The following ZNF280D variants were observed in gnomAD, a reference collection of about 807,000 sequenced individuals.
The protein encoded by ZNF280D is suppressor of hairy wing homolog 4.
ZNF280D carries 39 observed loss-of-function variants against 94.7 expected under a neutral mutation model. The observed-to-expected ratio is 0.41, with a 90% confidence interval of 0.32 to 0.54. The LOEUF is 0.54. Among genes scored for constraint, ZNF280D ranks in the 20% least tolerant of loss-of-function variants. The probability of loss-of-function intolerance (pLI) is 0.22; values close to 1 mark genes in which losing one functional copy is unlikely to be tolerated. For missense variants in ZNF280D, 1,090 were observed against 1,149.3 expected (o/e 0.95, Z 0.75); for synonymous variants, 398 against 377.6 (o/e 1.05, Z -0.63).
chr15:56,725,742 C>G (rs959014557), intron 1 of ZNF280D, among the ~76,000 whole-genome samples: 4 of 151,160 alleles, frequency 2.6e-5, no homozygotes, highest in African/African-American at 9.7e-5. Context: ...GCTAGCTGGT[C>G]AAAAATTTGT....
At chr15:56,722,392 C>T (rs2058414022) in intron 1 of ZNF280D, among the ~76,000 whole-genome samples, 1 of 152,148 alleles carries the variant, frequency 6.6e-6, no homozygotes, top group Admixed American at 6.5e-5. Context: ...ATCTGCAAAC[C>T]ACAACAAGTG....
chr15:56,671,091 T>G (rs1480266247), intron 13 of ZNF280D, among the ~76,000 whole-genome samples: 11 of 152,140 alleles, frequency 7.2e-5, no homozygotes. Context: ...GTCAGATGCA[T>G]AGTTTGCAAA....
At chr15:56,641,198 A>C (rs886100336) in intron 20 of ZNF280D, among the ~76,000 whole-genome samples, 1 of 151,942 alleles carries the variant, frequency 6.6e-6, no homozygotes, top group Non-Finnish European at 1.5e-5. Context: ...CTCTTGCTCA[A>C]GTTTTATGTT....
At chr15:56,685,433 G>A (rs994564108) in intron 9 of ZNF280D, among the ~76,000 whole-genome samples, 1 of 152,104 alleles carries the variant, frequency 6.6e-6, no homozygotes, top group African/African-American at 2.4e-5. Flanking sequence ...TAAAAATTGG[G>A]AGAGGATAAA....
At chr15:56,648,999 A>T (rs1359383545) in intron 19 of ZNF280D, among the ~76,000 whole-genome samples, 3 of 152,186 alleles carry the variant, frequency 2.0e-5, no homozygotes, top group Non-Finnish European at 2.9e-5. Flanking sequence ...AAGCTATTAT[A>T]ACAAAGAGCA....
chr15:56,643,107 AT>A (rs2052711461), intron 19 of ZNF280D, 110 bp from the exon 20 acceptor site: 1 of 655,388 alleles, frequency 1.5e-6, no homozygotes. Context: ...ATCGAAACTA[AT>A]GTACATTTTA....
Position 56,654,234 on chromosome 15 carries a change from A to G in ZNF280D, c.2177T>C (p.Val726Ala). 1 of 1,610,818 alleles carries G rather than the reference A, an allele frequency of 6.2e-7. No individual in the cohort carries two copies. Among genetic ancestry groups the G allele is most frequent in the Non-Finnish European group, 8.5e-7 (1 of 1,179,180 alleles). ...CTCAGAAGTTGGGATACAAACAGAA[A>G]CTGAAATTAGAAGAAAAGTTTTACA... The part of the protein sequence containing the change: ...THTCQVVMQK[V>A]SVCIPTSEHL... Residue 726 changes from valine (V) to alanine (A), a missense_variant and splice_region_variant, in exon 19 of 22, where the codon GTT becomes GCT. By Grantham distance (64) the Val-to-Ala change is moderately conservative. Around this residue, in one of 3 missense-constraint regions of ZNF280D, gnomAD observed 577 missense variants for 568.8 expected, o/e 1.01. Transcript: ENST00000267807.
intron 17 of ZNF280D, among the ~76,000 whole-genome samples, chr15:56,655,155 G>C (rs2053463858): frequency 6.6e-6 from 1 of 152,146 alleles, no homozygotes; most frequent in Middle Eastern, 3.2e-3. Context: ...ACTTAACACT[G>C]AACTAGCTAA....
intron 20 of ZNF280D, among the ~76,000 whole-genome samples, chr15:56,642,180 T>G (rs184527787): frequency 6.6e-6 from 1 of 151,766 alleles, no homozygotes; most frequent in Admixed American, 6.6e-5. Context: ...ATTAAAAAAT[T>G]TAAAAACCTG....
At chr15:56,692,791 G>C (rs957919163) in intron 7 of ZNF280D, among the ~76,000 whole-genome samples, 1 of 152,006 alleles carries the variant, frequency 6.6e-6, no homozygotes. Flanking sequence ...AGAGTATTCA[G>C]GCTACCTGAG....
rs181461743 is a variant in ZNF280D, at chr15:56,659,432, A to G, written c.1995-946T>C. 2.2e-4 allele frequency among the ~76,000 whole-genome samples: 34 copies of G among 152,202 alleles called. No homozygotes were observed. The East Asian group carries it at 6.6e-3, about 29-fold the overall frequency. ...TTTCTGTGGCTTCTGTTACACACATACAGCACAATAACATATTTTAAGAGA... is the reference window on the plus strand; with the variant it reads ...TTTCTGTGGCTTCTGTTACACACATGCAGCACAATAACATATTTTAAGAGA... On this transcript the variant is annotated intron_variant, in intron 16 of 21. Coordinates refer to ENST00000267807, the MANE Select transcript of ZNF280D (RefSeq NM_017661.4).
rs372725817 is a variant in ZNF280D at position 56,632,122 on chromosome 15, A to G, written c.2316T>C (p.Ser772=). Residue 772 remains serine (S), a splice_region_variant and synonymous_variant, in exon 22 of 22, where the codon AGT becomes AGC. Coordinates refer to ENST00000267807, the MANE Select transcript of ZNF280D (RefSeq NM_017661.4). The part of the protein sequence containing the change: ...ERETETSNSE[S]KQDKAASSKE... ...TTGAAGAAGCAGCTTTATCTTGTTT[A>G]CTGAAAAATAAAGTCATTTATTATG... 43 of 1,556,222 alleles carry G rather than the reference A, an allele frequency of 2.8e-5. No individual in the cohort carries two copies. In the African/African-American group the frequency reaches 3.9e-4, roughly 14 times the overall value.
At chr15:56,730,485 A>C (rs1461850456) in intron 1 of ZNF280D, 1 of 152,212 alleles carries the variant, frequency 6.6e-6, no homozygotes, top group African/African-American at 2.4e-5. Context: ...TTAATAGAAC[A>C]CTGGAATGAA....
intron 19 of ZNF280D, among the ~76,000 whole-genome samples, chr15:56,650,385 T>C (rs2140640339): frequency 6.6e-6 from 1 of 152,264 alleles, no homozygotes; most frequent in South Asian, 2.1e-4. Flanking sequence ...AAAACAAAGA[T>C]ATTTTCAACT....
At chr15:56,726,999 C>G (rs1218598897) in intron 1 of ZNF280D, among the ~76,000 whole-genome samples, 4 of 152,034 alleles carry the variant, frequency 2.6e-5, no homozygotes, top group Non-Finnish European at 4.4e-5. Context: ...CTATTTTAAC[C>G]CCCCCAAAAA....
chr15:56,631,420 C>CA lies in ZNF280D; in HGVS notation c.*77dup. 1 of 1,476,384 alleles carries CA rather than the reference C, an allele frequency of 6.8e-7. No homozygotes were observed. The highest frequency in any genetic ancestry group is 9.2e-7 in the Non-Finnish European group (1 of 1,082,598). The allele number at this position is 1,476,384 out of a possible 1,614,324, so 91.5% of individuals were successfully genotyped here. A position where few individuals can be genotyped will look rare whatever the true frequency, so the allele number is the denominator to read the frequency against. Reference sequence around the variant, plus strand: ...CATATTTCCATTTCTGAACCTACAACAGCACCACTGAGCTCACCTGATAGC... The same window carrying CA: ...CATATTTCCATTTCTGAACCTACAACAAGCACCACTGAGCTCACCTGATAGC... On this transcript the variant is annotated 3_prime_UTR_variant, in exon 22 of 22. Transcript: ENST00000267807.
At chr15:56,658,630 T>C in intron 16 of ZNF280D, 144 bp from the exon 17 acceptor site, 1 of 565,072 alleles carries the variant, frequency 1.8e-6, no homozygotes, top group South Asian at 2.9e-5. Flanking sequence ...GTCACTTCCA[T>C]TTAATTCAAT....
chr15:56,691,350 T>A (rs1220687990), intron 7 of ZNF280D, among the ~76,000 whole-genome samples: 2 of 152,130 alleles, frequency 1.3e-5, no homozygotes, highest in Non-Finnish European at 2.9e-5. Context: ...ATTGGAAAAA[T>A]TCTGTATAAT....
intron 19 of ZNF280D, among the ~76,000 whole-genome samples, chr15:56,649,339 T>C (rs1167257040): frequency 6.6e-6 from 1 of 152,154 alleles, no homozygotes; most frequent in East Asian, 1.9e-4. Context: ...GTTTCATTTA[T>C]TTTTCCATCT....
Sources: gnomAD v4.1 joint callset for allele counts (sites outside exome capture counted in the v4.1 genomes callset) on GRCh38, gnomAD v4.1.1 for gene constraint, gnomAD v4.1.1 regional missense constraint, MANE v1.5 for transcripts, NCBI Gene and HGNC (gene_info 2026-07-23, HGNC 2026-07-21) for gene names.